The following ARHGEF28 variants were observed in gnomAD, a reference collection of about 807,000 sequenced individuals.
ARHGEF28 encodes the protein 190 kDa guanine nucleotide exchange factor.
ARHGEF28 carries 152 observed loss-of-function variants against 206.6 expected under a neutral mutation model. That is an observed-to-expected ratio of 0.74 (90% CI 0.64 to 0.84). The LOEUF (loss-of-function observed/expected upper bound fraction) is 0.84. Ranked by LOEUF, ARHGEF28 falls within the 40% of genes least tolerant of loss-of-function variation. The probability of loss-of-function intolerance (pLI) is 0.00; values close to 1 mark genes in which losing one functional copy is unlikely to be tolerated. For missense variants in ARHGEF28, 2,028 were observed against 2,073.2 expected (o/e 0.98, Z 0.42); for synonymous variants, 763 against 776.4 (o/e 0.98, Z 0.29).
chr5:73,660,814 T>G lies in ARHGEF28; in HGVS notation c.-11-24027T>G, dbSNP rs144671469. Among the ~76,000 whole-genome samples, 167 of 152,316 alleles carry G rather than the reference T, an allele frequency of 1.1e-3. 1 individual carries two copies. Among genetic ancestry groups the G allele is most frequent in the African/African-American group, 3.8e-3 (158 of 41,576 alleles). ...AGGTCTCAATAATGGCCTTAAGATA[T>G]TCAGTAAACCATGCTGTAGGAAGAT... On this transcript the variant is annotated intron_variant, in intron 1 of 35. Coordinates refer to ENST00000513042, the MANE Select transcript of ARHGEF28 (RefSeq NM_001177693.2).
chr5:73,771,598 C>G (rs904930321), intron 4 of ARHGEF28, among the ~76,000 whole-genome samples: 2 of 151,340 alleles, frequency 1.3e-5, no homozygotes, highest in Non-Finnish European at 2.9e-5. Context: ...GTTAATATCT[C>G]ATGCTGACAG....
At chr5:73,801,612 G>C (rs567948736) in intron 9 of ARHGEF28, among the ~76,000 whole-genome samples, 3 of 152,042 alleles carry the variant, frequency 2.0e-5, no homozygotes, top group Non-Finnish European at 4.4e-5. Context: ...AAACATGGGA[G>C]GGGGGGACCT....
intron 5 of ARHGEF28, among the ~76,000 whole-genome samples, chr5:73,776,193 A>G (rs1235970944): frequency 6.6e-6 from 1 of 152,226 alleles, no homozygotes; most frequent in Non-Finnish European, 1.5e-5. Context: ...AGTGAGAGGC[A>G]TCTTTTCAGA....
In ARHGEF28 at chr5:73,681,088, A is replaced by ATTT. The variant is rs10551544; in HGVS notation, c.-11-3738_-11-3736dup. Among the ~76,000 whole-genome samples the ATTT allele has an allele frequency of 1.2e-4, 17 of 139,890 alleles. 1 individual carries two copies. The highest frequency in any genetic ancestry group is 4.5e-4 in the African/African-American group (17 of 37,882). 91.8% of individuals were successfully genotyped at this position (139,890 alleles called of 152,430 possible). ...GCTTCCACATTTCCTATAGTAATGC[A>ATTT]TTTTTTTTTTTTTTTTTGGCTATTA... On this transcript the variant is annotated intron_variant, in intron 1 of 35. Transcript: ENST00000513042.
chr5:73,832,546 C>G, intron 10 of ARHGEF28, 87 bp downstream of exon 10: 1 of 1,504,130 alleles, frequency 6.6e-7, no homozygotes, highest in Non-Finnish European at 9.0e-7. Context: ...TGTTGTGTTC[C>G]TTTGACAATT....
intron 10 of ARHGEF28, among the ~76,000 whole-genome samples, chr5:73,837,774 C>A (rs1194827146): frequency 6.7e-6 from 1 of 148,458 alleles, no homozygotes; most frequent in Non-Finnish European, 1.5e-5. Flanking sequence ...CAGAGTCTTC[C>A]TCTGTCATCC....
intron 2 of ARHGEF28, among the ~76,000 whole-genome samples, chr5:73,748,019 G>T (rs1321349362): frequency 2.6e-5 from 4 of 151,960 alleles, no homozygotes; most frequent in Non-Finnish European, 2.9e-5. Flanking sequence ...TATATAATTT[G>T]TTTTTTTATT....
intron 2 of ARHGEF28, among the ~76,000 whole-genome samples, chr5:73,726,144 GTGTGTGTGCATATGTGTGCC>G: frequency 6.6e-6 from 1 of 152,288 alleles, no homozygotes; most frequent in South Asian, 2.1e-4. Context: ...AGGGGAGAAA[GTGTGTGTGCATATGTGTGCC>G]TGTGTGTGCA....
chr5:73,880,939 A>AAG (rs1244591203), intron 22 of ARHGEF28, among the ~76,000 whole-genome samples: 1 of 151,688 alleles, frequency 6.6e-6, no homozygotes, highest in African/African-American at 2.4e-5. Flanking sequence ...CCTGCCTCAA[A>AAG]AAAAAAAGTT....
At chr5:73,762,162 A>G (rs1260092180) in intron 4 of ARHGEF28, among the ~76,000 whole-genome samples, 1 of 151,950 alleles carries the variant, frequency 6.6e-6, no homozygotes, top group Non-Finnish European at 1.5e-5. Context: ...TCTTTAAAAA[A>G]ATCTATTTTG....
chr5:73,779,426 T>G (rs1418638436), intron 6 of ARHGEF28, among the ~76,000 whole-genome samples: 2 of 152,242 alleles, frequency 1.3e-5, no homozygotes, highest in Admixed American at 6.5e-5. Flanking sequence ...AAATTAAGTT[T>G]GAATATATTC....
At chr5:73,683,715 C>A (rs1463356490) in intron 1 of ARHGEF28, among the ~76,000 whole-genome samples, 8 of 151,782 alleles carry the variant, frequency 5.3e-5, no homozygotes, top group Admixed American at 5.3e-4. Flanking sequence ...TGTGTTCATG[C>A]AGCTGAACTC....
chr5:73,923,074 A>G (rs1763606123), intron 35 of ARHGEF28: 1 of 1,534,902 alleles, frequency 6.5e-7, no homozygotes, highest in Admixed American at 2.0e-5. Context: ...ATGCGGCCAT[A>G]TTTTGCATTC....
chr5:73,641,182 C>A (rs1002538467), intron 1 of ARHGEF28, among the ~76,000 whole-genome samples: 1 of 152,222 alleles, frequency 6.6e-6, no homozygotes, highest in Non-Finnish European at 1.5e-5. Context: ...CCACAAATCC[C>A]TCTTTCAGGA....
At chr5:73,646,262 T>C (rs887221270) in intron 1 of ARHGEF28, among the ~76,000 whole-genome samples, 1 of 152,214 alleles carries the variant, frequency 6.6e-6, no homozygotes, top group Non-Finnish European at 1.5e-5. Flanking sequence ...GATTATATAG[T>C]GTCTGGATTG....
At chr5:73,870,554 C>G (rs1760043085) in intron 21 of ARHGEF28, among the ~76,000 whole-genome samples, 1 of 152,222 alleles carries the variant, frequency 6.6e-6, no homozygotes, top group Non-Finnish European at 1.5e-5. Flanking sequence ...GGCCTATACT[C>G]TTACCTCTTC....
At chr5:73,684,987 G>C in intron 2 of ARHGEF28, 103 bp downstream of exon 2, 1 of 1,283,270 alleles carries the variant, frequency 7.8e-7, no homozygotes. Flanking sequence ...TTGAGTTAAG[G>C]CTTTTTAAAA....
At chr5:73,932,893 G>C (rs283634) in intron 35 of ARHGEF28, among the ~76,000 whole-genome samples, 69,426 of 139,066 alleles carry the variant, frequency 0.5, 17,252 homozygotes, top group Middle Eastern at 0.59. Flanking sequence ...ACTGCAAGCT[G>C]CGCCTCCCGG....
chr5:73,739,792 C>T (rs1751248962), intron 2 of ARHGEF28, among the ~76,000 whole-genome samples: 1 of 148,106 alleles, frequency 6.8e-6, no homozygotes, highest in Admixed American at 6.8e-5. Context: ...GTCTGGGGTA[C>T]TGAACAAGGT....
Sources: allele counts gnomAD v4.1 joint callset (sites outside exome capture counted in the v4.1 genomes callset), GRCh38; gene constraint gnomAD v4.1.1; transcripts MANE v1.5; gene names NCBI Gene and HGNC (gene_info 2026-07-23, HGNC 2026-07-21).